Variants in BRF1 observed in about 807,000 individuals in gnomAD.
BRF1 encodes the protein BRF1 general transcription factor IIIB subunit.
In BRF1, 59 loss-of-function variants were observed where a neutral mutation model predicts 81.7. The observed-to-expected ratio is 0.72, with a 90% confidence interval of 0.59 to 0.90. The LOEUF is 0.90. BRF1 is among the 40% of genes least tolerant of loss of function. The pLI is 0.00. For synonymous variants in BRF1, 491 were observed against 395.6 expected, an observed-to-expected ratio of 1.24 and a Z score of -2.86; for missense variants, 1,050 against 936.3, an observed-to-expected ratio of 1.12 and a Z score of -1.58.
At chr14:105,215,744 CACAG>C (rs1566797281) in intron 15 of BRF1, among the ~76,000 whole-genome samples, 1 of 146,788 alleles carries the variant, frequency 6.8e-6, no homozygotes, top group Non-Finnish European at 1.5e-5. Flanking sequence ...ACACTGCATA[CACAG>C]ACACAGGCAC....
At chr14:105,268,255 G>C (rs587662152) in intron 3 of BRF1, among the ~76,000 whole-genome samples, 89 of 152,378 alleles carry the variant, frequency 5.8e-4, no homozygotes, top group African/African-American at 2.0e-3. Flanking sequence ...CAAACTACCT[G>C]CTCGACAATG....
intron 3 of BRF1, 133 bp from the exon 4 acceptor site, chr14:105,256,682 G>A: frequency 2.2e-6 from 3 of 1,385,616 alleles, no homozygotes; most frequent in Non-Finnish European, 2.9e-6. Flanking sequence ...CTCCACCTTT[G>A]ATCAGGAAGG....
rs1413460683 is a variant in BRF1 at position 105,210,684 on chromosome 14, C to CTGT, written c.1997-97_1997-96insACA. On this transcript the variant is annotated intron_variant, in intron 17 of 17. Coordinates refer to ENST00000547530, the MANE Select transcript of BRF1 (RefSeq NM_001519.4). The surrounding 1 kb of genome is among the most constrained non-coding windows in gnomAD (Gnocchi z 4.7). ...CTGTTCCTGGTGCCCCCCTAGAAGA[C>CTGT]TCAGGCTCCAGCCCCAGCCCCAGCC... The CTGT allele has an allele frequency of 7.1e-7, 1 of 1,408,080 alleles. No individual in the cohort carries two copies. Among genetic ancestry groups the CTGT allele is most frequent in the Non-Finnish European group, 9.7e-7 (1 of 1,029,954 alleles). 87.2% of individuals were successfully genotyped at this position (1,408,080 alleles called of 1,614,324 possible).
At chr14:105,245,160 A>G (rs143506770) in intron 5 of BRF1, among the ~76,000 whole-genome samples, 415 of 152,172 alleles carry the variant, frequency 2.7e-3, no homozygotes, top group Non-Finnish European at 5.0e-3. Context: ...GAAGTTTGAA[A>G]CCAGCCCGGG....
rs140283852 is a variant in BRF1 at position 105,249,983 on chromosome 14, G to A, written c.544+2524C>T. The stretch of plus-strand genomic sequence containing the variant: ...CTTCGAGGCCGTCCTGAACTGGGCC[G>A]AGGCGGAGTGCAAGAGGCAGGGGCT... On this transcript the variant is annotated intron_variant, in intron 5 of 17. Coordinates refer to ENST00000547530, the MANE Select transcript of BRF1 (RefSeq NM_001519.4). 80 of 1,612,648 alleles carry A rather than the reference G, an allele frequency of 5.0e-5. 1 individual carries two copies. In the South Asian group the frequency reaches 6.1e-4, roughly 12 times the overall value.
chr14:105,245,152 A>G (rs2054997904), intron 5 of BRF1, among the ~76,000 whole-genome samples: 1 of 152,150 alleles, frequency 6.6e-6, no homozygotes, highest in Non-Finnish European at 1.5e-5. Flanking sequence ...TGAGCTCAGA[A>G]GTTTGAAACC....
intron 1 of BRF1, among the ~76,000 whole-genome samples, chr14:105,290,466 A>C (rs960634795): frequency 6.6e-6 from 1 of 152,178 alleles, no homozygotes; most frequent in African/African-American, 2.4e-5. Context: ...TTCCAAGAAC[A>C]GGGGACGCCG....
chr14:105,278,089 C>T (rs993791230), intron 2 of BRF1, among the ~76,000 whole-genome samples: 2 of 152,148 alleles, frequency 1.3e-5, no homozygotes, highest in Non-Finnish European at 2.9e-5. Flanking sequence ...CACATAGAAA[C>T]CAACTACTAA....
chr14:105,288,321 G>A (rs920121668), intron 1 of BRF1, among the ~76,000 whole-genome samples: 2 of 151,910 alleles, frequency 1.3e-5, no homozygotes, highest in Non-Finnish European at 2.9e-5. Flanking sequence ...GCGTGGTGGC[G>A]GGTGCCTGTG....
At position 105,221,838 on chromosome 14, in the gene BRF1, G is replaced by A. The variant is rs373698699; in HGVS notation, c.1125C>T (p.Ser375=). 2 of 1,607,950 alleles carry A rather than the reference G, an allele frequency of 1.2e-6. No homozygotes were observed. Among genetic ancestry groups the A allele is most frequent in the Admixed American group, 3.4e-5 (2 of 59,382 alleles). The part of the protein sequence containing the change: ...TEDEELEAAA[S]HLNKDLYREL... ...CCCGGTATAAGTCTTTGTTCAGGTG[G>A]CTGGCCGCGGCTTCCAGCTCCTCGT... Residue 375 remains serine (S), a synonymous_variant, in exon 11 of 18, where the codon AGC becomes AGT. Coordinates refer to ENST00000547530, the MANE Select transcript of BRF1 (RefSeq NM_001519.4).
chr14:105,302,901 G>A (rs1383396435), upstream of BRF1, among the ~76,000 whole-genome samples: 4 of 151,810 alleles, frequency 2.6e-5, no homozygotes, highest in Non-Finnish European at 2.9e-5. Context: ...AAAGTGCTGG[G>A]ATTACAGGCA....
intron 1 of BRF1, chr14:105,314,554 C>A (rs1279155785): frequency 2.0e-5 from 3 of 146,356 alleles, no homozygotes; most frequent in African/African-American, 4.9e-5. Flanking sequence ...TGAGGCGCCG[C>A]CGGAGGAAGC....
intron 10 of BRF1, among the ~76,000 whole-genome samples, chr14:105,224,273 G>A (rs953073928): frequency 3.3e-5 from 5 of 152,208 alleles, no homozygotes; most frequent in African/African-American, 1.2e-4. Flanking sequence ...GGAGGGTGAG[G>A]CAGGAGAATT....
chr14:105,225,696 G>A (rs1174181403), intron 10 of BRF1, among the ~76,000 whole-genome samples: 1 of 151,666 alleles, frequency 6.6e-6, no homozygotes, highest in Admixed American at 6.6e-5. Flanking sequence ...CACCCAGGCT[G>A]GAGTGCCGTG....
chr14:105,215,374 G>C (rs903316748), intron 15 of BRF1, among the ~76,000 whole-genome samples: 12 of 150,178 alleles, frequency 8.0e-5, no homozygotes. Flanking sequence ...ACACATAGGC[G>C]TGCACACCTG....
At chr14:105,282,324 G>A (rs995226419) in intron 2 of BRF1, among the ~76,000 whole-genome samples, 1 of 152,206 alleles carries the variant, frequency 6.6e-6, no homozygotes, top group Non-Finnish European at 1.5e-5. Flanking sequence ...CAGAGTCCTC[G>A]CAGAACATGA....
intron 5 of BRF1, among the ~76,000 whole-genome samples, chr14:105,251,692 G>A (rs1348169913): frequency 6.6e-6 from 1 of 152,026 alleles, no homozygotes; most frequent in Admixed American, 6.6e-5. Context: ...TCTACCCAAA[G>A]GACATACGCT....
At chr14:105,290,311 C>G (rs1215978529) in intron 1 of BRF1, among the ~76,000 whole-genome samples, 1 of 152,088 alleles carries the variant, frequency 6.6e-6, no homozygotes, top group Non-Finnish European at 1.5e-5. Flanking sequence ...CCCAGCTACT[C>G]AGGAGGCTGA....
intron 3 of BRF1, among the ~76,000 whole-genome samples, chr14:105,267,858 A>G (rs2056489139): frequency 6.6e-6 from 1 of 152,252 alleles, no homozygotes; most frequent in Admixed American, 6.5e-5. Flanking sequence ...AGCTGAATGC[A>G]CATGGCCCCT....
Sources: gnomAD v4.1 joint callset for allele counts (sites outside exome capture counted in the v4.1 genomes callset) on GRCh38, gnomAD v4.1.1 for gene constraint, Gnocchi (gnomAD v3.1) non-coding constraint, MANE v1.5 for transcripts, NCBI Gene and HGNC (gene_info 2026-07-23, HGNC 2026-07-21) for gene names.